The following SYNDIG1L variants were observed in gnomAD, a reference collection of about 807,000 sequenced individuals.
SYNDIG1L encodes the protein synapse differentiation-inducing gene protein 1-like.
Under a neutral mutation model 20.1 loss-of-function variants are expected in SYNDIG1L, and 13 were observed. The ratio of observed to expected loss-of-function variants is 0.65; its 90% CI spans 0.42 to 1.03. SYNDIG1L has a LOEUF of 1.03. SYNDIG1L is among the 50% of genes least tolerant of loss of function. SYNDIG1L has a pLI of 0.00. For missense variants in SYNDIG1L, 294 were observed against 305.1 expected (o/e 0.96, Z 0.27); for synonymous variants, 128 against 129.3 (o/e 0.99, Z 0.07).
the SYNDIG1L span, among the ~76,000 whole-genome samples, chr14:74,465,737 C>G: frequency 6.6e-6 from 1 of 152,200 alleles, no homozygotes; most frequent in Non-Finnish European, 1.5e-5. Flanking sequence ...AACCCTGGGC[C>G]TCATCTTTCA....
the SYNDIG1L span, among the ~76,000 whole-genome samples, chr14:74,436,849 C>CAAA: frequency 4.8e-4 from 43 of 89,240 alleles, 1 homozygote; most frequent in East Asian, 4.7e-3. Context: ...AAACTCGTCT[C>CAAA]AAAAAAAAAA....
chr14:74,453,171 A>G, the SYNDIG1L span, among the ~76,000 whole-genome samples: 1 of 151,690 alleles, frequency 6.6e-6, no homozygotes, highest in African/African-American at 2.4e-5. Context: ...ACATGGAGAA[A>G]CCCCATCTCT....
At chr14:74,442,821 G>T in the SYNDIG1L span, among the ~76,000 whole-genome samples, 14 of 152,218 alleles carry the variant, frequency 9.2e-5, no homozygotes, top group Admixed American at 9.2e-4. Context: ...ATGGGTTGGA[G>T]TGGGAGATAG....
chr14:74,432,000 C>T, the SYNDIG1L span, among the ~76,000 whole-genome samples: 248 of 152,178 alleles, frequency 1.6e-3, 1 homozygote, highest in African/African-American at 5.9e-3. Flanking sequence ...ACTGGGAGCA[C>T]CACCCTGGGG....
the SYNDIG1L span, among the ~76,000 whole-genome samples, chr14:74,440,471 C>T: frequency 6.8e-6 from 1 of 148,068 alleles, no homozygotes; most frequent in Non-Finnish European, 1.5e-5. Context: ...GCCAAGATCG[C>T]GCCACTGCTC....
chr14:74,426,033 C>G lies in SYNDIG1L; in HGVS notation c.-179G>C, dbSNP rs756272105. The G allele has an allele frequency of 2.0e-5, 3 of 152,546 alleles. No individual in the cohort carries two copies. The East Asian group carries it at 5.8e-4, about 30-fold the overall frequency. 9.4% of individuals were successfully genotyped at this position (152,546 alleles called of 1,614,324 possible). A position where few individuals can be genotyped will look rare whatever the true frequency, so the allele number is the denominator to read the frequency against. ...ACTCCCAGGAGGGCTCCCCTGCTCT[C>G]GTCCCCGCGTCCCTGAGCAGCCGCC... On this transcript the variant is annotated 5_prime_UTR_variant, in exon 1 of 4. Transcript: ENST00000331628.
chr14:74,430,652 C>G (rs2086296287), upstream of SYNDIG1L, among the ~76,000 whole-genome samples: 1 of 152,200 alleles, frequency 6.6e-6, no homozygotes, highest in Non-Finnish European at 1.5e-5. Flanking sequence ...CCAGGCTGGC[C>G]TTGAACTCCT....
intron 1 of SYNDIG1L, among the ~76,000 whole-genome samples, chr14:74,419,299 A>G (rs1197855877): frequency 6.6e-6 from 1 of 152,174 alleles, no homozygotes; most frequent in Non-Finnish European, 1.5e-5. Flanking sequence ...TTTCTCCTTC[A>G]CCAGACTGTG....
the SYNDIG1L span, among the ~76,000 whole-genome samples, chr14:74,460,606 CT>C: frequency 6.6e-6 from 1 of 152,180 alleles, no homozygotes; most frequent in Non-Finnish European, 1.5e-5. Context: ...TTGACCCTTC[CT>C]GTTTTCCCTT....
At chr14:74,439,994 A>G in the SYNDIG1L span, among the ~76,000 whole-genome samples, 4 of 152,116 alleles carry the variant, frequency 2.6e-5, no homozygotes, top group Non-Finnish European at 5.9e-5. Flanking sequence ...CTGATTAACT[A>G]TGTATTGTAT....
chr14:74,456,769 G>T, the SYNDIG1L span, among the ~76,000 whole-genome samples: 2 of 152,032 alleles, frequency 1.3e-5, no homozygotes, highest in African/African-American at 4.8e-5. Context: ...GGGGCTGGAC[G>T]TATGCAATAG....
chr14:74,416,654 C>T (rs1252571502), intron 1 of SYNDIG1L, among the ~76,000 whole-genome samples: 6 of 151,720 alleles, frequency 4.0e-5, no homozygotes, highest in Admixed American at 1.3e-4. Context: ...ACAAACCAAA[C>T]AAACAAACAA....
At chr14:74,407,764 C>T in intron 3 of SYNDIG1L, 71 bp from the exon 4 acceptor site, 1 of 1,576,220 alleles carries the variant, frequency 6.3e-7, no homozygotes, top group Non-Finnish European at 8.6e-7. Context: ...CTGCCAGGCC[C>T]CTGACCCCAT....
the SYNDIG1L span, among the ~76,000 whole-genome samples, chr14:74,444,517 G>A: frequency 2.0e-5 from 3 of 151,906 alleles, no homozygotes; most frequent in African/African-American, 7.2e-5. Flanking sequence ...TTGGGAGGCC[G>A]AGATGGGCAG....
At chr14:74,472,919 G>C in the SYNDIG1L span, among the ~76,000 whole-genome samples, 2 of 152,166 alleles carry the variant, frequency 1.3e-5, no homozygotes, top group Admixed American at 1.3e-4. Flanking sequence ...AGTCAGAGGA[G>C]GGGGGCGGAA....
At chr14:74,420,688 C>T (rs180906357) in intron 1 of SYNDIG1L, among the ~76,000 whole-genome samples, 1 of 152,210 alleles carries the variant, frequency 6.6e-6, no homozygotes, top group East Asian at 1.9e-4. Context: ...TCTTTTCCTT[C>T]TTAAGTTTCT....
the SYNDIG1L span, among the ~76,000 whole-genome samples, chr14:74,468,955 G>GTA: frequency 6.6e-6 from 1 of 152,154 alleles, no homozygotes; most frequent in African/African-American, 2.4e-5. Flanking sequence ...ACACCTTCTG[G>GTA]TCTATGACAG....
At chr14:74,471,751 T>C in the SYNDIG1L span, among the ~76,000 whole-genome samples, 3,098 of 152,274 alleles carry the variant, frequency 0.02, 125 homozygotes, top group African/African-American at 0.07. Flanking sequence ...TGGTGGGTGG[T>C]ACAAAAATGA....
chr14:74,427,186 C>T (rs1404056759), upstream of SYNDIG1L, among the ~76,000 whole-genome samples: 1 of 134,536 alleles, frequency 7.4e-6, no homozygotes, highest in African/African-American at 2.9e-5. Flanking sequence ...ACCTATTCTT[C>T]GAGCGCCTTC....
Sources: allele counts gnomAD v4.1 joint callset (sites outside exome capture counted in the v4.1 genomes callset), GRCh38; gene constraint gnomAD v4.1.1; transcripts MANE v1.5; gene names NCBI Gene and HGNC (gene_info 2026-07-23, HGNC 2026-07-21).